Variants in CELF1 observed in about 807,000 individuals in gnomAD.
CELF1 encodes the protein CUGBP Elav-like family member 1.
In CELF1, 10 loss-of-function variants were observed where a neutral mutation model predicts 61.8. The ratio of observed to expected loss-of-function variants is 0.16; its 90% CI spans 0.10 to 0.27. The LOEUF is 0.27. CELF1 is among the 10% of genes least tolerant of loss of function. The probability of loss-of-function intolerance (pLI) is 1.00; values close to 1 mark genes in which losing one functional copy is unlikely to be tolerated. For missense variants in CELF1, 380 were observed against 639.1 expected (o/e 0.59, Z 4.37); for synonymous variants, 236 against 225.1 (o/e 1.05, Z -0.43).
chr11:47,514,847 GA>G (rs1348714283), intron 1 of CELF1: 1 of 152,230 alleles, frequency 6.6e-6, no homozygotes, highest in Admixed American at 6.5e-5. Context: ...GACAGAGCAA[GA>G]CCTTGTTTCA....
chr11:47,553,155 C>T (rs1028441820), upstream of CELF1: 2 of 394,856 alleles, frequency 5.1e-6, no homozygotes, highest in Non-Finnish European at 8.9e-6. Context: ...GCACTTCCGG[C>T]ACCTACCACC....
At chr11:47,478,162 G>C (rs1438912294) in intron 10 of CELF1, among the ~76,000 whole-genome samples, 1 of 152,162 alleles carries the variant, frequency 6.6e-6, no homozygotes. Flanking sequence ...CAAAAATATA[G>C]CCAACTATAA....
At chr11:47,478,286 G>C (rs2081170991) in intron 10 of CELF1, among the ~76,000 whole-genome samples, 1 of 152,230 alleles carries the variant, frequency 6.6e-6, no homozygotes, top group Non-Finnish European at 1.5e-5. Context: ...CCAATGCAGA[G>C]GGTGTAGGCA....
chr11:47,504,682 A>C (rs1434692421), intron 1 of CELF1, among the ~76,000 whole-genome samples: 1 of 151,308 alleles, frequency 6.6e-6, no homozygotes, highest in Non-Finnish European at 1.5e-5. Context: ...TGAGCAGATC[A>C]CCTAAGGTCA....
intron 1 of CELF1, among the ~76,000 whole-genome samples, chr11:47,517,263 A>G (rs2095611402): frequency 6.7e-6 from 1 of 149,768 alleles, no homozygotes; most frequent in Non-Finnish European, 1.5e-5. Flanking sequence ...AAACAGAGAA[A>G]AAAAAAAAAA....
intron 1 of CELF1, among the ~76,000 whole-genome samples, chr11:47,528,020 CGA>C (rs1565890660): frequency 6.6e-6 from 1 of 152,070 alleles, no homozygotes; most frequent in African/African-American, 2.4e-5. Context: ...GGGTTGAACC[CGA>C]GAGGCGGAGG....
At chr11:47,490,619 T>C (rs1413735310) in intron 3 of CELF1, among the ~76,000 whole-genome samples, 1 of 151,840 alleles carries the variant, frequency 6.6e-6, no homozygotes, top group Non-Finnish European at 1.5e-5. Context: ...AGAGATGGGG[T>C]TTCACCATAT....
Position 47,467,327 on chromosome 11 carries a change from G to C in CELF1, c.*4903C>G, listed in dbSNP as rs1202001367. 1 of 152,244 alleles carries C rather than the reference G, an allele frequency of 6.6e-6. No individual in the cohort carries two copies. 9.4% of individuals were successfully genotyped at this position (152,244 alleles called of 1,614,324 possible). ...GGCTGGATGGTGCCACAAGAGAGGA[G>C]GGTCAGTTTCCCTCAGGGAACCAAA... On this transcript the variant is annotated 3_prime_UTR_variant, in exon 15 of 15. Transcript: ENST00000687097.
intron 2 of CELF1, among the ~76,000 whole-genome samples, chr11:47,558,917 T>C (rs1166720263): frequency 7.3e-6 from 1 of 137,086 alleles, no homozygotes; most frequent in Non-Finnish European, 1.5e-5. Flanking sequence ...ATATAACACA[T>C]AATATATTGT....
intron 3 of CELF1, chr11:47,494,498 A>C: frequency 1.0e-6 from 1 of 982,550 alleles, no homozygotes; most frequent in Non-Finnish European, 1.2e-6. Context: ...AGGGAACAAA[A>C]AAGAGCTGTT....
At chr11:47,494,330 C>T (rs895492247) in intron 3 of CELF1, 2 of 934,976 alleles carry the variant, frequency 2.1e-6, no homozygotes, top group Non-Finnish European at 2.6e-6. Context: ...AATAGTAATA[C>T]CTGAGGAGGT....
At position 47,539,459 on chromosome 11, in the gene CELF1, C is replaced by G. The variant is rs377516475; in HGVS notation, c.-154+13533G>C. ...CTGAGGTCGGGAGTTCGAGACCAGT[C>G]ACGGCTAACATGGTGAAACCCTGTT... On this transcript the variant is annotated intron_variant, in intron 1 of 14. Transcript: ENST00000687097. 5.9e-5 allele frequency among the ~76,000 whole-genome samples: 9 copies of G among 152,214 alleles called. No homozygotes were observed. In the East Asian group the frequency reaches 9.7e-4, roughly 16 times the overall value.
At chr11:47,494,791 C>A (rs1000261307) in intron 3 of CELF1, among the ~76,000 whole-genome samples, 2 of 152,214 alleles carry the variant, frequency 1.3e-5, no homozygotes, top group African/African-American at 4.8e-5. Flanking sequence ...CTGCACTGAG[C>A]AATACGATGA....
chr11:47,505,678 C>T (rs2094431725), intron 1 of CELF1, among the ~76,000 whole-genome samples: 1 of 147,424 alleles, frequency 6.8e-6, no homozygotes. Flanking sequence ...TAGCCGGGCA[C>T]AGTGGCTCCT....
chr11:47,522,022 G>A lies in CELF1; in HGVS notation c.-153-21090C>T, dbSNP rs1366046013. ...ATCTCCCGGATTCGAGAGATTCTCC[G>A]GCCTCAGCCTCCCGAGTAGCTGGGA... On this transcript the variant is annotated intron_variant, in intron 1 of 14. Coordinates refer to ENST00000687097, the MANE Select transcript of CELF1 (RefSeq NM_001376376.1). 2.0e-5 allele frequency among the ~76,000 whole-genome samples: 3 copies of A among 151,598 alleles called. No homozygotes were observed. In the East Asian group the frequency reaches 5.9e-4, roughly 30 times the overall value.
chr11:47,510,495 T>C (rs1413994155), intron 1 of CELF1, among the ~76,000 whole-genome samples: 1 of 152,138 alleles, frequency 6.6e-6, no homozygotes, highest in Non-Finnish European at 1.5e-5. Context: ...TAAGACTCAC[T>C]GTTTTTTGTT....
At chr11:47,529,988 A>G (rs2096410038) in intron 1 of CELF1, among the ~76,000 whole-genome samples, 1 of 152,162 alleles carries the variant, frequency 6.6e-6, no homozygotes, top group African/African-American at 2.4e-5. Flanking sequence ...AGAGTATATA[A>G]AAGAAAAAAT....
At chr11:47,504,384 C>T (rs886534568) in intron 1 of CELF1, among the ~76,000 whole-genome samples, 1 of 151,166 alleles carries the variant, frequency 6.6e-6, no homozygotes, top group African/African-American at 2.4e-5. Flanking sequence ...TCAGGCAAGA[C>T]TAGCCTGGGC....
At chr11:47,478,812 G>T in intron 10 of CELF1, 65 bp downstream of exon 10, 1 of 1,305,034 alleles carries the variant, frequency 7.7e-7, no homozygotes, top group Non-Finnish European at 1.1e-6. Context: ...AAACTCCCAA[G>T]ACTGTTGTTA....
Sources: allele counts gnomAD v4.1 joint callset (sites outside exome capture counted in the v4.1 genomes callset), GRCh38; gene constraint gnomAD v4.1.1; transcripts MANE v1.5; gene names NCBI Gene and HGNC (gene_info 2026-07-23, HGNC 2026-07-21).